Variants in GRM8 observed in about 807,000 individuals in gnomAD.
GRM8 encodes the protein metabotropic glutamate receptor 8.
In GRM8, 47 loss-of-function variants were observed where a neutral mutation model predicts 87.2. The ratio of observed to expected loss-of-function variants is 0.54; its 90% CI spans 0.43 to 0.69. GRM8 has a LOEUF of 0.69. Ranked by LOEUF, GRM8 falls within the 30% of genes least tolerant of loss-of-function variation. The probability of loss-of-function intolerance (pLI) is 0.00; values close to 1 mark genes in which losing one functional copy is unlikely to be tolerated. For synonymous variants in GRM8, 396 were observed against 404.5 expected (o/e 0.98, Z 0.25); for missense variants, 1,019 against 1,139.2 (o/e 0.89, Z 1.52).
intron 2 of GRM8, among the ~76,000 whole-genome samples, chr7:127,206,199 C>A (rs1006901567): frequency 1.3e-5 from 2 of 152,226 alleles, no homozygotes; most frequent in Non-Finnish European, 1.5e-5. Flanking sequence ...GGGTGAGGTA[C>A]AGTCACACCA....
intron 7 of GRM8, among the ~76,000 whole-genome samples, chr7:126,743,262 C>A (rs188476813): frequency 7.6e-4 from 116 of 152,164 alleles, no homozygotes; most frequent in African/African-American, 2.7e-3. Context: ...GTCATGTTCC[C>A]ATATAAAGGT....
intron 7 of GRM8, among the ~76,000 whole-genome samples, chr7:126,723,139 T>A (rs1812608687): frequency 6.6e-6 from 1 of 151,614 alleles, no homozygotes; most frequent in Non-Finnish European, 1.5e-5. Flanking sequence ...GAGGTAGAAA[T>A]TGAAGGGCTG....
At chr7:127,109,398 C>G (rs368719142) in intron 2 of GRM8, among the ~76,000 whole-genome samples, 1 of 152,178 alleles carries the variant, frequency 6.6e-6, no homozygotes, top group East Asian at 1.9e-4. Flanking sequence ...AATACAAACT[C>G]TTCGGTCTGG....
intron 8 of GRM8, among the ~76,000 whole-genome samples, chr7:126,608,933 T>A (rs993423530): frequency 1.3e-4 from 20 of 152,010 alleles, no homozygotes; most frequent in Admixed American, 1.3e-3. Flanking sequence ...CTGGCTAATT[T>A]TTTTTGTATT....
intron 3 of GRM8, among the ~76,000 whole-genome samples, chr7:127,034,214 G>T (rs1817644806): frequency 6.6e-6 from 1 of 152,164 alleles, no homozygotes; most frequent in African/African-American, 2.4e-5. Flanking sequence ...AATTCAGCCT[G>T]CAGAAAAGCC....
intron 9 of GRM8, among the ~76,000 whole-genome samples, chr7:126,506,036 G>A (rs756459104): frequency 6.6e-6 from 1 of 151,932 alleles, no homozygotes; most frequent in East Asian, 1.9e-4. Context: ...GCTACTCTCT[G>A]CTTCTTTCAG....
chr7:126,837,030 T>C lies in GRM8; in HGVS notation c.1156+65512A>G, dbSNP rs554943960. ...AACATAATAGGAATATATTCACTTT[T>C]GCAAATTGGAAAGCACCACTCAGAT... On this transcript the variant is annotated intron_variant, in intron 6 of 10. Transcript: ENST00000339582. Among the ~76,000 whole-genome samples, 35 of 151,344 alleles carry C rather than the reference T, an allele frequency of 2.3e-4. No homozygotes were observed. The South Asian group carries it at 7.3e-3, about 31-fold the overall frequency.
rs1333092753 is a variant in GRM8, at chr7:126,642,508, C to T, written c.1358-33010G>A. On this transcript the variant is annotated intron_variant, in intron 7 of 10. Transcript: ENST00000339582. ...CAAAAACATTAGCCGGGAGTGCTGG[C>T]GGACGCCTGTAGTCCCAGCTACTTG... Among the ~76,000 whole-genome samples the T allele has an allele frequency of 3.9e-5, 6 of 151,926 alleles. 1 individual carries two copies. The highest frequency in any genetic ancestry group is 2.6e-4 in the Admixed American group (4 of 15,258).
chr7:126,669,448 C>A (rs954399675), intron 7 of GRM8, among the ~76,000 whole-genome samples: 2 of 151,938 alleles, frequency 1.3e-5, no homozygotes, highest in Admixed American at 6.6e-5. Context: ...ATCTATGGTA[C>A]CTTTCAGTTC....
At chr7:127,174,200 C>T (rs1793968453) in intron 2 of GRM8, among the ~76,000 whole-genome samples, 1 of 152,190 alleles carries the variant, frequency 6.6e-6, no homozygotes, top group Admixed American at 6.5e-5. Context: ...TTGTTTCCCT[C>T]TTTCACTGTC....
At chr7:127,066,543 T>C (rs1821135339) in intron 3 of GRM8, among the ~76,000 whole-genome samples, 1 of 152,202 alleles carries the variant, frequency 6.6e-6, no homozygotes, top group Admixed American at 6.5e-5. Flanking sequence ...CACATAATTG[T>C]ACATATTTAT....
intron 8 of GRM8, among the ~76,000 whole-genome samples, chr7:126,570,014 A>T (rs1246415983): frequency 6.6e-6 from 1 of 152,168 alleles, no homozygotes; most frequent in Non-Finnish European, 1.5e-5. Flanking sequence ...TTATTTATCC[A>T]CATGGATTTC....
At chr7:126,673,921 G>A (rs1221541620) in intron 7 of GRM8, among the ~76,000 whole-genome samples, 2 of 152,066 alleles carry the variant, frequency 1.3e-5, no homozygotes, top group Non-Finnish European at 2.9e-5. Context: ...GTTGGCGTTC[G>A]ATTAGCCTTC....
chr7:126,984,183 T>C (rs967692819), intron 3 of GRM8, among the ~76,000 whole-genome samples: 5 of 152,338 alleles, frequency 3.3e-5, no homozygotes, highest in South Asian at 2.1e-4. Context: ...TGTATTATGT[T>C]AGGCATAATT....
chr7:126,589,571 T>C (rs1382252045), intron 8 of GRM8, among the ~76,000 whole-genome samples: 4 of 152,186 alleles, frequency 2.6e-5, no homozygotes, highest in African/African-American at 9.7e-5. Flanking sequence ...TCAGATTCTC[T>C]TGGGAGTTCT....
chr7:126,683,503 A>C (rs1207529646), intron 7 of GRM8, among the ~76,000 whole-genome samples: 2 of 152,212 alleles, frequency 1.3e-5, no homozygotes. Context: ...AAAGTATTTC[A>C]GACCTAGTGA....
chr7:126,613,856 G>C (rs1351281102), intron 7 of GRM8, among the ~76,000 whole-genome samples: 1 of 152,214 alleles, frequency 6.6e-6, no homozygotes, highest in Admixed American at 6.5e-5. Flanking sequence ...GCTGAGGCTT[G>C]AGTAGGTAAA....
In GRM8 at chr7:127,242,884, A is replaced by G. The variant is rs762453110; in HGVS notation, c.321T>C (p.Ser107=). 4.3e-6 allele frequency: 7 copies of G among 1,613,832 alleles called. No homozygotes were observed. The highest frequency in any genetic ancestry group is 3.4e-6 in the Non-Finnish European group (4 of 1,179,824). Residue 107 remains serine (S), a synonymous_variant, in exon 2 of 11, where the codon TCT becomes TCC. Transcript: ENST00000339582. The stretch of plus-strand genomic sequence containing the variant: ...ACTGCTCCAAAGCATAGGTGTCCCT[A>G]GAGCACGTGTCGAGGATGCGGACAC... ...TLGVRILDTC[S]RDTYALEQSL... is the part of the protein sequence containing the mutation.
chr7:126,622,145 A>T (rs1800245251), intron 7 of GRM8, among the ~76,000 whole-genome samples: 1 of 152,156 alleles, frequency 6.6e-6, no homozygotes, highest in South Asian at 2.1e-4. Flanking sequence ...CAAGACCAGG[A>T]CTAGGCTGAG....
Sources: gnomAD v4.1 joint callset for allele counts (sites outside exome capture counted in the v4.1 genomes callset) on GRCh38, gnomAD v4.1.1 for gene constraint, MANE v1.5 for transcripts, NCBI Gene and HGNC (gene_info 2026-07-23, HGNC 2026-07-21) for gene names.